LOXL2: variants seen among roughly 807,000 people sequenced by gnomAD.
The protein encoded by LOXL2 is lysyl oxidase like 2.
A neutral mutation model predicts 93.0 loss-of-function variants in LOXL2; 70 were observed. The ratio of observed to expected loss-of-function variants is 0.75; its 90% CI spans 0.62 to 0.92. The LOEUF is 0.92. Among genes scored for constraint, LOXL2 ranks in the 40% least tolerant of loss-of-function variants. LOXL2 has a pLI of 0.00. For missense variants in LOXL2, 973 were observed against 1,054.9 expected (o/e 0.92, Z 1.08); for synonymous variants, 438 against 413.2 (o/e 1.06, Z -0.73).
intron 1 of LOXL2, among the ~76,000 whole-genome samples, chr8:23,377,990 A>G (rs977183828): frequency 6.6e-6 from 1 of 152,194 alleles, no homozygotes; most frequent in African/African-American, 2.4e-5. Context: ...TTATAATGTT[A>G]GCTGGTTATT....
chr8:23,313,841 C>T (rs1351612434), intron 9 of LOXL2, among the ~76,000 whole-genome samples: 1 of 151,756 alleles, frequency 6.6e-6, no homozygotes, highest in Non-Finnish European at 1.5e-5. Context: ...AAAGAAACTA[C>T]CATCAGAGTG....
chr8:23,335,199 C>T (rs932927340), intron 4 of LOXL2, among the ~76,000 whole-genome samples: 1 of 152,114 alleles, frequency 6.6e-6, no homozygotes, highest in African/African-American at 2.4e-5. Flanking sequence ...CCCCTCACCC[C>T]ATCTGGGTTC....
At chr8:23,342,458 G>A (rs914418880) in intron 3 of LOXL2, among the ~76,000 whole-genome samples, 1 of 148,612 alleles carries the variant, frequency 6.7e-6, no homozygotes, top group African/African-American at 2.5e-5. Context: ...TTGAGACGGA[G>A]TCTCGCTCTG....
In LOXL2 at chr8:23,402,663, G is replaced by A. The variant is rs994316072; in HGVS notation, c.-84+1291C>T. The A allele has an allele frequency of 1.1e-4, 16 of 152,104 alleles. 1 individual carries two copies. The highest frequency in any genetic ancestry group is 3.9e-4 in the African/African-American group (16 of 41,352). The allele number at this position is 152,104 out of a possible 1,614,324, so 9.4% of individuals were successfully genotyped here. A position where few individuals can be genotyped will look rare whatever the true frequency, so the allele number is the denominator to read the frequency against. ...TGACAAATGTTGTTTTGGGGTTCCA[G>A]GACGGACAGGCTAGCAGTGGTGTAG... On this transcript the variant is annotated intron_variant, in intron 1 of 13. Coordinates refer to ENST00000389131, the MANE Select transcript of LOXL2 (RefSeq NM_002318.3).
chr8:23,339,902 C>G lies in LOXL2; in HGVS notation c.743+1090G>C, dbSNP rs144692858. Among the ~76,000 whole-genome samples the G allele has an allele frequency of 5.2e-3, 793 of 152,240 alleles. 3 individuals carry two copies. The highest frequency in any genetic ancestry group is 0.015 in the African/African-American group (633 of 41,538). On this transcript the variant is annotated intron_variant, in intron 4 of 13. Transcript: ENST00000389131. ...GGGCTGGGACAAAATTATGGCCCACCCCGTCCAGGCAGGGCTGGGCCAGGA... is the reference window on the plus strand; with the variant it reads ...GGGCTGGGACAAAATTATGGCCCACGCCGTCCAGGCAGGGCTGGGCCAGGA...
chr8:23,319,724 G>A (rs923326990), intron 8 of LOXL2, among the ~76,000 whole-genome samples, 161 bp downstream of exon 8: 10 of 152,162 alleles, frequency 6.6e-5, no homozygotes, highest in African/African-American at 2.4e-4. Context: ...AAGGAGCAGC[G>A]CTGTGGCCAG....
At chr8:23,301,861 T>C (rs2280941) in intron 12 of LOXL2, among the ~76,000 whole-genome samples, 166 bp downstream of exon 12, 100,729 of 152,078 alleles carry the variant, frequency 0.66, 33,573 homozygotes, top group Non-Finnish European at 0.7. Flanking sequence ...CCATGCCTGA[T>C]ATCTTTGGGT....
chr8:23,382,018 C>T (rs1422962160), intron 1 of LOXL2, among the ~76,000 whole-genome samples: 2 of 152,226 alleles, frequency 1.3e-5, no homozygotes, highest in African/African-American at 4.8e-5. Context: ...CCAGGCAAAC[C>T]ACAGCCTTGC....
At chr8:23,344,498 G>T (rs1056363743) in intron 3 of LOXL2, among the ~76,000 whole-genome samples, 51 of 152,084 alleles carry the variant, frequency 3.4e-4, no homozygotes, top group African/African-American at 1.2e-3. Flanking sequence ...GTATATGCAT[G>T]ATGGTGTGTT....
rs189355769 is a variant in LOXL2 at position 23,344,069 on chromosome 8, A to C, written c.532-2866T>G. On this transcript the variant is annotated intron_variant, in intron 3 of 13. Coordinates refer to ENST00000389131, the MANE Select transcript of LOXL2 (RefSeq NM_002318.3). ...GTGTGACCCCCAGCACCTGGCCACCACAGGAGGAGGAAGAAGGCCTGGCTG... is the reference window on the plus strand; with the variant it reads ...GTGTGACCCCCAGCACCTGGCCACCCCAGGAGGAGGAAGAAGGCCTGGCTG... 4.1e-3 allele frequency among the ~76,000 whole-genome samples: 625 copies of C among 152,328 alleles called. 10 individuals are homozygous for C. The highest frequency in any genetic ancestry group is 0.014 in the African/African-American group (569 of 41,592).
chr8:23,297,251 G>A lies in LOXL2; in HGVS notation c.*792C>T, dbSNP rs1237855980. ...TCTGTGATGACACATGGTGCTCAGT[G>A]AGCGCCCTGTCACCCAGGACCCTGG... On this transcript the variant is annotated 3_prime_UTR_variant, in exon 14 of 14. Transcript: ENST00000389131. 6.6e-6 allele frequency: 1 copy of A among 152,308 alleles called. No homozygotes were observed. The highest frequency in any genetic ancestry group is 1.9e-4 in the East Asian group (1 of 5,184). The allele number at this position is 152,308 out of a possible 1,614,324, so 9.4% of individuals were successfully genotyped here.
At chr8:23,349,506 T>C (rs2117192528) in intron 3 of LOXL2, among the ~76,000 whole-genome samples, 1 of 152,268 alleles carries the variant, frequency 6.6e-6, no homozygotes, top group South Asian at 2.1e-4. Flanking sequence ...ATGTGGTCCC[T>C]AATCTAGAGG....
At chr8:23,380,877 G>A (rs1379073624) in intron 1 of LOXL2, among the ~76,000 whole-genome samples, 2 of 152,122 alleles carry the variant, frequency 1.3e-5, no homozygotes, top group Non-Finnish European at 2.9e-5. Flanking sequence ...TCTGGGCATG[G>A]TGGCAAGCGC....
intron 3 of LOXL2, among the ~76,000 whole-genome samples, chr8:23,344,839 CTCT>C (rs1194616199): frequency 6.6e-6 from 1 of 152,220 alleles, no homozygotes; most frequent in Non-Finnish European, 1.5e-5. Flanking sequence ...GGACCGTCTT[CTCT>C]TCTTCTCCCT....
intron 1 of LOXL2, among the ~76,000 whole-genome samples, chr8:23,371,471 G>A (rs1178571663): frequency 6.6e-6 from 1 of 152,192 alleles, no homozygotes; most frequent in Non-Finnish European, 1.5e-5. Context: ...CATGGCAACT[G>A]GCTGGGTGCA....
chr8:23,402,701 G>T (rs1334092065), intron 1 of LOXL2: 1 of 151,930 alleles, frequency 6.6e-6, no homozygotes, highest in African/African-American at 2.4e-5. Context: ...GAGGGGCCTG[G>T]AGTAAGAGGT....
chr8:23,387,308 G>T (rs562857112), intron 1 of LOXL2, among the ~76,000 whole-genome samples: 1 of 152,166 alleles, frequency 6.6e-6, no homozygotes, highest in Non-Finnish European at 1.5e-5. Context: ...GTGTCCTCGG[G>T]GGGTATCAGA....
chr8:23,308,966 C>G (rs571010891), intron 10 of LOXL2, among the ~76,000 whole-genome samples: 1 of 149,980 alleles, frequency 6.7e-6, no homozygotes, highest in East Asian at 1.9e-4. Flanking sequence ...CATACCAGTA[C>G]GTGGAATATA....
chr8:23,396,433 T>C (rs1186568840), intron 1 of LOXL2, among the ~76,000 whole-genome samples: 1 of 152,058 alleles, frequency 6.6e-6, no homozygotes, highest in South Asian at 2.1e-4. Context: ...GGCCAAAGAA[T>C]GGGCTTAGAC....
Sources: allele counts gnomAD v4.1 joint callset (sites outside exome capture counted in the v4.1 genomes callset), GRCh38; gene constraint gnomAD v4.1.1; transcripts MANE v1.5; gene names NCBI Gene and HGNC (gene_info 2026-07-23, HGNC 2026-07-21).